VPS13B: variants seen among roughly 807,000 people sequenced by gnomAD.
VPS13B encodes the protein intermembrane lipid transfer protein VPS13B.
VPS13B carries 285 observed loss-of-function variants against 426.4 expected under a neutral mutation model. The ratio of observed to expected loss-of-function variants is 0.67; its 90% CI spans 0.61 to 0.74. The LOEUF is 0.74. Ranked by LOEUF, VPS13B falls within the 30% of genes least tolerant of loss-of-function variation. The probability of loss-of-function intolerance (pLI) is 0.00; values close to 1 mark genes in which losing one functional copy is unlikely to be tolerated. For synonymous variants in VPS13B, 1,676 were observed against 1,676.4 expected (o/e 1.00, Z 0.01); for missense variants, 4,537 against 4,782.6 (o/e 0.95, Z 1.51).
chr8:99,861,923 C>A lies in VPS13B; in HGVS notation c.11192C>A (p.Ser3731Tyr). The A allele has an allele frequency of 6.3e-7, 1 of 1,595,540 alleles. No individual in the cohort carries two copies. The highest frequency in any genetic ancestry group is 8.5e-7 in the Non-Finnish European group (1 of 1,172,250). Residue 3731 changes from serine (S) to tyrosine (Y), a missense_variant, in exon 58 of 62, where the codon TCC becomes TAC. Ser to Tyr is a moderately radical substitution (Grantham distance 144). Around this residue, in one of 2 missense-constraint regions of VPS13B, gnomAD observed 4,311 missense variants for 4,474.3 expected, o/e 0.96. Coordinates refer to ENST00000357162, the MANE Select transcript of VPS13B (RefSeq NM_152564.5). ...GGCGAGGGGCTTCGACAGGGCCTGT[C>A]CCGGCTGGGCATCAGCCTGCTTGGT... ...SLGEGLRQGL[S>Y]RLGISLLGAI...
intron 24 of VPS13B, among the ~76,000 whole-genome samples, chr8:99,479,414 A>C (rs1170227796): frequency 6.6e-6 from 1 of 152,224 alleles, no homozygotes; most frequent in Non-Finnish European, 1.5e-5. Flanking sequence ...ACTCATGTAA[A>C]GCCACCTCAC....
chr8:99,860,156 G>A (rs1445969886), intron 57 of VPS13B, among the ~76,000 whole-genome samples: 1 of 152,178 alleles, frequency 6.6e-6, no homozygotes, highest in Non-Finnish European at 1.5e-5. Flanking sequence ...GCTTCTTCCC[G>A]TAAAAGGCAT....
chr8:99,577,977 C>T (rs1424295492), intron 33 of VPS13B, among the ~76,000 whole-genome samples: 1 of 152,008 alleles, frequency 6.6e-6, no homozygotes, highest in Non-Finnish European at 1.5e-5. Context: ...GTAATAAGGC[C>T]TCTTTTGGAA....
intron 30 of VPS13B, among the ~76,000 whole-genome samples, chr8:99,547,207 C>A (rs1034931701): frequency 6.6e-6 from 1 of 151,980 alleles, no homozygotes; most frequent in Non-Finnish European, 1.5e-5. Context: ...AAGATGGGAG[C>A]TGAATATTTT....
At chr8:99,787,170 A>G (rs753905874) in intron 43 of VPS13B, among the ~76,000 whole-genome samples, 1 of 152,186 alleles carries the variant, frequency 6.6e-6, no homozygotes, top group Admixed American at 6.6e-5. Context: ...TGTAGCTAAC[A>G]TTGCAGAGAT....
At chr8:99,468,950 T>C (rs528037051) in intron 24 of VPS13B, among the ~76,000 whole-genome samples, 2 of 152,244 alleles carry the variant, frequency 1.3e-5, no homozygotes, top group East Asian at 1.9e-4. Flanking sequence ...ATCCTTTCTT[T>C]TCTTCTTGCC....
chr8:99,317,069 T>C (rs901785408), intron 19 of VPS13B, among the ~76,000 whole-genome samples: 1 of 152,222 alleles, frequency 6.6e-6, no homozygotes, highest in Non-Finnish European at 1.5e-5. Flanking sequence ...TAGAATGGCC[T>C]TTGTAGGAAC....
Position 99,720,528 on chromosome 8 carries a change from C to G in VPS13B, c.6841C>G (p.Leu2281Val). 1 of 1,613,922 alleles carries G rather than the reference C, an allele frequency of 6.2e-7. No individual in the cohort carries two copies. Among genetic ancestry groups the G allele is most frequent in the East Asian group, 2.2e-5 (1 of 44,848 alleles). The change falls in exon 38 of 62, where the codon CTA (leucine) becomes GTA (valine). Residue 2281 changes from leucine to valine, a missense_variant. Transcript: ENST00000357162. ...AAGTTCAGATGACCTACGGACAGGT[C>G]TATTTCAGTATGTACAGGATGCTGG... The part of the protein sequence containing the change: ...EQSSDDLRTG[L>V]FQYVQDAESL...
At chr8:99,504,056 A>T (rs1398726724) in intron 27 of VPS13B, among the ~76,000 whole-genome samples, 1 of 152,002 alleles carries the variant, frequency 6.6e-6, no homozygotes, top group Non-Finnish European at 1.5e-5. Flanking sequence ...CTAGTGGGAG[A>T]TATTTGGGTC....
intron 14 of VPS13B, among the ~76,000 whole-genome samples, chr8:99,151,061 C>T (rs768375985): frequency 1.1e-4 from 16 of 152,172 alleles, no homozygotes; most frequent in Non-Finnish European, 1.9e-4. Context: ...GTCAGTGCTT[C>T]GGTTCTTTGC....
chr8:99,870,753 G>A (rs1389774796), intron 59 of VPS13B, 32 bp from the exon 60 acceptor site: 1 of 1,600,154 alleles, frequency 6.2e-7, no homozygotes, highest in Non-Finnish European at 8.6e-7. Context: ...CAGAAAACAA[G>A]TAGTAAAACT....
rs755818465 is a variant in VPS13B at position 99,502,858 on chromosome 8, A to G, written c.4065A>G (p.Leu1355=). The G allele has an allele frequency of 1.2e-5, 20 of 1,613,352 alleles. No individual in the cohort carries two copies. The highest frequency in any genetic ancestry group is 1.7e-5 in the Non-Finnish European group (20 of 1,179,454). ...CAGAGGTTTGTATGGTCAGTGAACT[A>G]GAAGATCTCAGTGCTTCCATAGATG... The part of the protein sequence containing the change: ...KGTEVCMVSE[L]EDLSASIDVQ... Residue 1355 remains leucine, a synonymous_variant, in exon 27 of 62, where the codon CTA becomes CTG. Coordinates refer to ENST00000357162, the MANE Select transcript of VPS13B (RefSeq NM_152564.5).
At chr8:99,799,883 A>T (rs1813036219) in intron 43 of VPS13B, among the ~76,000 whole-genome samples, 1 of 152,070 alleles carries the variant, frequency 6.6e-6, no homozygotes, top group Non-Finnish European at 1.5e-5. Flanking sequence ...TGACAATTTG[A>T]CTCCCAGAAT....
At chr8:99,532,056 T>A (rs1176093447) in intron 30 of VPS13B, among the ~76,000 whole-genome samples, 1 of 152,142 alleles carries the variant, frequency 6.6e-6, no homozygotes, top group Non-Finnish European at 1.5e-5. Flanking sequence ...TTAACTTTCA[T>A]CTTTAACTTG....
At chr8:99,242,457 T>G (rs1219082255) in intron 17 of VPS13B, among the ~76,000 whole-genome samples, 2 of 152,210 alleles carry the variant, frequency 1.3e-5, no homozygotes, top group Non-Finnish European at 2.9e-5. Context: ...TATAACCTCT[T>G]TATTGTTTTG....
intron 8 of VPS13B, among the ~76,000 whole-genome samples, chr8:99,127,678 G>A (rs544920690): frequency 6.6e-6 from 1 of 152,100 alleles, no homozygotes; most frequent in South Asian, 2.1e-4. Context: ...AAATTATTGA[G>A]AACTCTGAGG....
chr8:99,105,206 C>T lies in VPS13B; in HGVS notation c.580+2086C>T, dbSNP rs1055454335. ...GTGAGCATAAAAGTGTAGGTAAGGCCCAAGCATCATTTCTTATATATCGTT... is the reference window on the plus strand; with the variant it reads ...GTGAGCATAAAAGTGTAGGTAAGGCTCAAGCATCATTTCTTATATATCGTT... On this transcript the variant is annotated intron_variant, in intron 5 of 61. Transcript: ENST00000357162. Among the ~76,000 whole-genome samples the T allele has an allele frequency of 4.6e-5, 7 of 152,056 alleles. No individual in the cohort carries two copies. In the South Asian group the frequency reaches 1.5e-3, roughly 32 times the overall value.
intron 23 of VPS13B, among the ~76,000 whole-genome samples, chr8:99,465,850 A>G (rs531566624): frequency 2.0e-5 from 3 of 152,212 alleles, no homozygotes; most frequent in South Asian, 4.1e-4. Flanking sequence ...TGCAGTTATC[A>G]TTGTTTCCAG....
chr8:99,271,247 ACG>A (rs1818590383), intron 17 of VPS13B, among the ~76,000 whole-genome samples: 1 of 148,668 alleles, frequency 6.7e-6, no homozygotes, highest in African/African-American at 2.5e-5. Flanking sequence ...TACTACTACT[ACG>A]ATGATGATTG....
Sources: gnomAD v4.1 joint callset for allele counts (sites outside exome capture counted in the v4.1 genomes callset) on GRCh38, gnomAD v4.1.1 for gene constraint, gnomAD v4.1.1 regional missense constraint, MANE v1.5 for transcripts, NCBI Gene and HGNC (gene_info 2026-07-23, HGNC 2026-07-21) for gene names.